UBE2D1: variants seen among roughly 807,000 people sequenced by gnomAD.
UBE2D1 encodes ubiquitin-conjugating enzyme E2 D1.
Under a neutral mutation model 24.6 loss-of-function variants are expected in UBE2D1, and 9 were observed. The ratio of observed to expected loss-of-function variants is 0.37; its 90% CI spans 0.22 to 0.64. The LOEUF is 0.64. Among genes scored for constraint, UBE2D1 ranks in the 30% least tolerant of loss-of-function variants. The probability of loss-of-function intolerance (pLI) is 0.64; values close to 1 mark genes in which losing one functional copy is unlikely to be tolerated. For missense variants in UBE2D1, 87 were observed against 177.1 expected, an observed-to-expected ratio of 0.49 and a Z score of 2.89; for synonymous variants, 57 against 57.6, an observed-to-expected ratio of 0.99 and a Z score of 0.04.
chr10:58,364,798 C>T lies in UBE2D1; in HGVS notation c.226C>T (p.Pro76Ser). Residue 76 changes from proline to serine, a missense_variant, in exon 5 of 7, where the codon CCA becomes TCA. Pro to Ser is a moderately conservative substitution (Grantham distance 74, BLOSUM62 -1). Transcript: ENST00000373910. Reference protein sequence around the residue: ...KIAFTTKIYHPNINSNGSICL... With the variant: ...KIAFTTKIYHSNINSNGSICL... Reference sequence around the variant, plus strand: ...TGCTTTCACAACAAAAATTTACCATCCAAACATAAACAGTAATGGAAGTAT... The same window carrying T: ...TGCTTTCACAACAAAAATTTACCATTCAAACATAAACAGTAATGGAAGTAT... 1.2e-6 allele frequency: 2 copies of T among 1,613,152 alleles called. No homozygotes were observed. The highest frequency in any genetic ancestry group is 1.3e-5 in the African/African-American group (1 of 74,986).
intron 1 of UBE2D1, among the ~76,000 whole-genome samples, chr10:58,337,936 T>C (rs1839920186): frequency 1.3e-5 from 2 of 151,942 alleles, no homozygotes; most frequent in African/African-American, 4.8e-5. Context: ...AACCTCTGCC[T>C]CCTGGGTTCA....
At chr10:58,335,718 C>T (rs1839896126) in intron 1 of UBE2D1, among the ~76,000 whole-genome samples, 1 of 152,240 alleles carries the variant, frequency 6.6e-6, no homozygotes, top group African/African-American at 2.4e-5. Flanking sequence ...TTGGTTCTTT[C>T]TCTCCTCTGC....
chr10:58,349,171 G>T (rs1840046691), intron 1 of UBE2D1, among the ~76,000 whole-genome samples: 1 of 152,082 alleles, frequency 6.6e-6, no homozygotes, highest in South Asian at 2.1e-4. Flanking sequence ...TTCTAGTCAT[G>T]ATATAAAGGC....
rs185412003 is a variant in UBE2D1, at chr10:58,354,065, A to G, written c.25-7273A>G. 2.0e-5 allele frequency among the ~76,000 whole-genome samples: 3 copies of G among 152,306 alleles called. No homozygotes were observed. The East Asian group carries it at 5.8e-4, about 29-fold the overall frequency. ...GATGGGGGAAAGTTAGCATTTATTAAGCATCTATTATACATGTCGGGTATT... is the reference window on the plus strand; with the variant it reads ...GATGGGGGAAAGTTAGCATTTATTAGGCATCTATTATACATGTCGGGTATT... On this transcript the variant is annotated intron_variant, in intron 1 of 6. Transcript: ENST00000373910.
intron 1 of UBE2D1, among the ~76,000 whole-genome samples, chr10:58,351,175 C>T (rs571568707): frequency 1.3e-5 from 2 of 152,292 alleles, no homozygotes; most frequent in South Asian, 4.1e-4. Flanking sequence ...TTTATAAACA[C>T]TGTACATACA....
chr10:58,336,521 T>C (rs973658863), intron 1 of UBE2D1, among the ~76,000 whole-genome samples: 3 of 152,206 alleles, frequency 2.0e-5, no homozygotes, highest in African/African-American at 7.2e-5. Flanking sequence ...GGATCACCTG[T>C]TATTTTTTGT....
At chr10:58,340,405 T>A (rs984425149) in intron 1 of UBE2D1, among the ~76,000 whole-genome samples, 1 of 152,202 alleles carries the variant, frequency 6.6e-6, no homozygotes, top group Non-Finnish European at 1.5e-5. Context: ...ATTTGTGGGC[T>A]TTTAAAGATG....
In UBE2D1 at chr10:58,336,030, G is replaced by A. The variant is rs183165696; in HGVS notation, c.24+805G>A. On this transcript the variant is annotated intron_variant, in intron 1 of 6. Transcript: ENST00000373910. ...GCTTTGACACATGGGTATAGAATGA[G>A]GAAGAAATATATATCTTCATCCAAC... Among the ~76,000 whole-genome samples the A allele has an allele frequency of 1.6e-4, 24 of 152,240 alleles. No individual in the cohort carries two copies. In the East Asian group the frequency reaches 4.6e-3, roughly 29 times the overall value.
rs1054465946 is a variant in UBE2D1 at position 58,370,428 on chromosome 10, AAATG to A, written c.*1668_*1671del. 1.3e-5 allele frequency: 2 copies of A among 152,604 alleles called. No homozygotes were observed. The highest frequency in any genetic ancestry group is 1.3e-4 in the Admixed American group (2 of 15,262). 9.5% of individuals were successfully genotyped at this position (152,604 alleles called of 1,614,324 possible). ...ATTGTTAGAAAATATGTGTTTTTAT[AAATG>A]AATGTAAAATAATTAAATGAATTGT... On this transcript the variant is annotated 3_prime_UTR_variant, in exon 7 of 7. Coordinates refer to ENST00000373910, the MANE Select transcript of UBE2D1 (RefSeq NM_003338.5).
At chr10:58,354,158 A>C (rs1420848403) in intron 1 of UBE2D1, among the ~76,000 whole-genome samples, 2 of 152,172 alleles carry the variant, frequency 1.3e-5, no homozygotes, top group South Asian at 2.1e-4. Context: ...TACAGTTCTT[A>C]AAGGTAACCA....
In UBE2D1 at chr10:58,335,102, G is replaced by A; in HGVS notation, c.-100G>A. 7.4e-7 allele frequency: 1 copy of A among 1,348,774 alleles called. No homozygotes were observed. Among genetic ancestry groups the A allele is most frequent in the African/African-American group, 1.5e-5 (1 of 66,564 alleles). The allele number at this position is 1,348,774 out of a possible 1,614,324, so 83.6% of individuals were successfully genotyped here. ...GCTAACCGGGGACCCACCGCGCGGA[G>A]CCAGCCTAGCTGCCAGCGAGCCCAA... On this transcript the variant is annotated 5_prime_UTR_variant, in exon 1 of 7. Coordinates refer to ENST00000373910, the MANE Select transcript of UBE2D1 (RefSeq NM_003338.5).
At chr10:58,341,074 T>C (rs1306366795) in intron 1 of UBE2D1, among the ~76,000 whole-genome samples, 1 of 152,260 alleles carries the variant, frequency 6.6e-6, no homozygotes, top group Non-Finnish European at 1.5e-5. Context: ...TCGTTTAACA[T>C]TGTAAATCAG....
At chr10:58,352,317 A>T (rs1170253547) in intron 1 of UBE2D1, among the ~76,000 whole-genome samples, 1 of 152,136 alleles carries the variant, frequency 6.6e-6, no homozygotes, top group African/African-American at 2.4e-5. Context: ...AACTTTCTGT[A>T]TTAAGGCTTT....
intron 5 of UBE2D1, among the ~76,000 whole-genome samples, chr10:58,366,511 C>T (rs1460405951): frequency 6.6e-6 from 1 of 152,058 alleles, no homozygotes; most frequent in African/African-American, 2.4e-5. Flanking sequence ...TTCCTTCTTG[C>T]TTACTTTTTT....
intron 1 of UBE2D1, among the ~76,000 whole-genome samples, chr10:58,352,578 C>G (rs1320718102): frequency 6.6e-6 from 1 of 151,924 alleles, no homozygotes; most frequent in Non-Finnish European, 1.5e-5. Context: ...AGGAGACCCC[C>G]ATCTCTTAAA....
intron 1 of UBE2D1, among the ~76,000 whole-genome samples, chr10:58,359,670 G>C (rs1242686676): frequency 1.3e-5 from 2 of 152,182 alleles, no homozygotes; most frequent in African/African-American, 4.8e-5. Flanking sequence ...TTGAATCCCA[G>C]TTCCGCCCTA....
At chr10:58,342,499 T>C (rs1839971970) in intron 1 of UBE2D1, among the ~76,000 whole-genome samples, 1 of 152,170 alleles carries the variant, frequency 6.6e-6, no homozygotes, top group South Asian at 2.1e-4. Flanking sequence ...GGTTGGATTG[T>C]CTAGAGAAAA....
At chr10:58,341,689 C>T (rs1029894655) in intron 1 of UBE2D1, among the ~76,000 whole-genome samples, 1 of 152,116 alleles carries the variant, frequency 6.6e-6, no homozygotes, top group Non-Finnish European at 1.5e-5. Flanking sequence ...TCCTTACTCG[C>T]TTTAGTTCCC....
chr10:58,353,349 C>A (rs1243919298), intron 1 of UBE2D1, among the ~76,000 whole-genome samples: 5 of 152,154 alleles, frequency 3.3e-5, no homozygotes, highest in Non-Finnish European at 5.9e-5. Flanking sequence ...CAAACAAAAT[C>A]TCTGTCCACG....
Sources: gnomAD v4.1 joint callset for allele counts (sites outside exome capture counted in the v4.1 genomes callset) on GRCh38, gnomAD v4.1.1 for gene constraint, MANE v1.5 for transcripts, NCBI Gene and HGNC (gene_info 2026-07-23, HGNC 2026-07-21) for gene names.